The following OR6N1 variants were observed in gnomAD, a reference collection of about 807,000 sequenced individuals.
The protein encoded by OR6N1 is olfactory receptor family 6 subfamily N member 1.
For synonymous variants in OR6N1, 170 were observed against 150.7 expected, an observed-to-expected ratio of 1.13 and a Z score of -0.94; for missense variants, 394 against 371.7, an observed-to-expected ratio of 1.06 and a Z score of -0.49.
At chr1:158,769,263 A>T (rs1571603903) in intron 1 of OR6N1, among the ~76,000 whole-genome samples, 1 of 152,180 alleles carries the variant, frequency 6.6e-6, no homozygotes, top group Non-Finnish European at 1.5e-5. Context: ...TCCTGGGCTC[A>T]AGCAATCCTC....
chr1:158,806,144 A>T, the OR6N1 span, among the ~76,000 whole-genome samples: 1 of 152,160 alleles, frequency 6.6e-6, no homozygotes. Context: ...AGTCTGAGTG[A>T]AGTGAGGTGC....
chr1:158,777,509 T>G, the OR6N1 span: 1 of 1,614,190 alleles, frequency 6.2e-7, no homozygotes, highest in South Asian at 1.1e-5. Flanking sequence ...AAGATGAGCA[T>G]GTTACCACAG....
chr1:158,789,197 A>G, the OR6N1 span, among the ~76,000 whole-genome samples: 1 of 152,266 alleles, frequency 6.6e-6, no homozygotes, highest in East Asian at 1.9e-4. Context: ...TTATTGCTGA[A>G]TAGTATCTCA....
the OR6N1 span, among the ~76,000 whole-genome samples, chr1:158,783,150 TC>T: frequency 6.6e-6 from 1 of 152,090 alleles, no homozygotes; most frequent in Non-Finnish European, 1.5e-5. Context: ...CCTTGTTACT[TC>T]CCCCCTTGTC....
Position 158,766,057 on chromosome 1 carries a change from G to A in OR6N1, c.626C>T (p.Ala209Val), listed in dbSNP as rs1231183364. ...DFVINSCKIL[A>V]TFLLILCSYV... ...GGAGCAGAGGATCAGCAGGAAGGTG[G>A]CTAGGATCTTGCAGGAATTTATAAC... Residue 209 changes from alanine to valine, a missense_variant, in exon 2 of 2, where the codon GCC becomes GTC. Coordinates refer to ENST00000641846, the MANE Select transcript of OR6N1 (RefSeq NM_001005185.2). The A allele has an allele frequency of 6.2e-7, 1 of 1,614,218 alleles. No individual in the cohort carries two copies.
At chr1:158,777,471 C>G in the OR6N1 span, 3 of 1,614,070 alleles carry the variant, frequency 1.9e-6, no homozygotes, top group Non-Finnish European at 2.5e-6. Context: ...TAGGTGTGTG[C>G]AGAGCTGCAT....
chr1:158,820,992 TCTACTTTTAGCAGTAGCCAGA>T, the OR6N1 span, among the ~76,000 whole-genome samples: 1 of 152,204 alleles, frequency 6.6e-6, no homozygotes, highest in African/African-American at 2.4e-5. Context: ...CAAGTTCCTG[TCTACTTTTAGCAGTAGCCAGA>T]CTACTAAAAT....
At chr1:158,783,462 G>A in the OR6N1 span, among the ~76,000 whole-genome samples, 17 of 152,130 alleles carry the variant, frequency 1.1e-4, no homozygotes, top group Non-Finnish European at 2.2e-4. Context: ...ATGAACACTC[G>A]TAGAATACAT....
At chr1:158,813,074 T>C in the OR6N1 span, among the ~76,000 whole-genome samples, 1 of 152,222 alleles carries the variant, frequency 6.6e-6, no homozygotes. Context: ...TAAACAACTT[T>C]TCTGACTTTT....
At chr1:158,799,133 C>A in the OR6N1 span, among the ~76,000 whole-genome samples, 26 of 152,158 alleles carry the variant, frequency 1.7e-4, no homozygotes, top group African/African-American at 6.0e-4. Context: ...AAATAAAAAT[C>A]TTTTTCTATT....
Position 158,765,843 on chromosome 1 carries a change from C to G in OR6N1, c.840G>C (p.Val280=). The G allele has an allele frequency of 6.2e-7, 1 of 1,614,156 alleles. No homozygotes were observed. The change falls in exon 2 of 2, where the codon GTG becomes GTC. Residue 280 remains valine (V), a synonymous_variant. Coordinates refer to ENST00000641846, the MANE Select transcript of OR6N1 (RefSeq NM_001005185.2). Reference sequence around the variant, plus strand: ...TGAAGGGGTTGAGGAAGGGTGTGAGCACTGAGTAGACCACTGCCAGGGCCT... The same window carrying G: ...TGAAGGGGTTGAGGAAGGGTGTGAGGACTGAGTAGACCACTGCCAGGGCCT... ...YDQALAVVYS[V]LTPFLNPFIY...
At chr1:158,778,244 A>T in the OR6N1 span, among the ~76,000 whole-genome samples, 1 of 152,238 alleles carries the variant, frequency 6.6e-6, no homozygotes, top group African/African-American at 2.4e-5. Flanking sequence ...CAGGCAGCTT[A>T]CAACCCTGTA....
the OR6N1 span, among the ~76,000 whole-genome samples, chr1:158,837,551 A>C: frequency 6.6e-6 from 1 of 151,738 alleles, no homozygotes; most frequent in African/African-American, 2.4e-5. Context: ...TTTCAATGGA[A>C]TATCTCTTTT....
the OR6N1 span, among the ~76,000 whole-genome samples, chr1:158,810,397 T>C: frequency 6.6e-6 from 1 of 152,188 alleles, no homozygotes. Flanking sequence ...ATATTTCATG[T>C]TCCTGGAAAT....
the OR6N1 span, among the ~76,000 whole-genome samples, chr1:158,823,227 TGAGTTGGGGCA>T: frequency 3.3e-5 from 5 of 152,198 alleles, no homozygotes; most frequent in African/African-American, 1.2e-4. Context: ...CCTCACAGAA[TGAGTTGGGGCA>T]GAGTCCTTCC....
the OR6N1 span, among the ~76,000 whole-genome samples, chr1:158,779,581 T>C: frequency 6.6e-6 from 1 of 152,218 alleles, no homozygotes; most frequent in Non-Finnish European, 1.5e-5. Flanking sequence ...ACTAAATTCA[T>C]TGAAAGCAAC....
At chr1:158,778,634 C>T in the OR6N1 span, among the ~76,000 whole-genome samples, 1 of 152,060 alleles carries the variant, frequency 6.6e-6, no homozygotes, top group African/African-American at 2.4e-5. Context: ...CTATTCTGAC[C>T]TCAAGCTCGG....
chr1:158,777,333 G>A, the OR6N1 span: 279 of 1,614,020 alleles, frequency 1.7e-4, no homozygotes, highest in Non-Finnish European at 2.2e-4. Flanking sequence ...GGAAGAAGTA[G>A]GTCTGAAGGA....
chr1:158,780,162 C>A, the OR6N1 span, among the ~76,000 whole-genome samples: 1 of 152,174 alleles, frequency 6.6e-6, no homozygotes, highest in African/African-American at 2.4e-5. Flanking sequence ...TGTTGAAAGA[C>A]CTATCATTGT....
Sources: allele counts gnomAD v4.1 joint callset (sites outside exome capture counted in the v4.1 genomes callset), GRCh38; gene constraint gnomAD v4.1.1; transcripts MANE v1.5; gene names NCBI Gene and HGNC (gene_info 2026-07-23, HGNC 2026-07-21).